Variants in ANKIB1 observed in about 807,000 individuals in gnomAD.
ANKIB1 encodes the protein ankyrin repeat and IBR domain-containing protein 1.
ANKIB1 carries 43 observed loss-of-function variants against 122.1 expected under a neutral mutation model. The observed-to-expected ratio is 0.35, with a 90% CI of 0.28 to 0.45. The LOEUF is 0.45. Ranked by LOEUF, ANKIB1 falls within the 20% of genes least tolerant of loss-of-function variation. The pLI, the probability that ANKIB1 is intolerant of heterozygous loss-of-function variation, is 1.00. For synonymous variants in ANKIB1, 390 were observed against 442.0 expected, an observed-to-expected ratio of 0.88 and a Z score of 1.48; for missense variants, 992 against 1,329.5, an observed-to-expected ratio of 0.75 and a Z score of 3.95.
intron 2 of ANKIB1, among the ~76,000 whole-genome samples, chr7:92,305,669 C>T (rs905144650): frequency 6.6e-6 from 1 of 152,112 alleles, no homozygotes; most frequent in African/African-American, 2.4e-5. Context: ...GAATCAGTTC[C>T]TGGGAAACCA....
chr7:92,260,850 G>A (rs1801547444), intron 1 of ANKIB1, among the ~76,000 whole-genome samples: 2 of 152,132 alleles, frequency 1.3e-5, no homozygotes, highest in African/African-American at 2.4e-5. Context: ...ATAATGCCTA[G>A]CACATGATAG....
chr7:92,380,018 G>C (rs370816407), intron 11 of ANKIB1, among the ~76,000 whole-genome samples: 3 of 152,158 alleles, frequency 2.0e-5, no homozygotes, highest in African/African-American at 7.2e-5. Context: ...AGGCTGTACC[G>C]GGAAAATCGG....
In ANKIB1 at chr7:92,339,982, A is replaced by C. The variant is rs1219917032; in HGVS notation, c.788-3042A>C. 2.0e-5 allele frequency among the ~76,000 whole-genome samples: 3 copies of C among 149,352 alleles called. No individual in the cohort carries two copies. The East Asian group carries it at 6.0e-4, about 30-fold the overall frequency. On this transcript the variant is annotated intron_variant, in intron 5 of 19. Coordinates refer to ENST00000265742, the MANE Select transcript of ANKIB1 (RefSeq NM_019004.2). The stretch of plus-strand genomic sequence containing the variant: ...TGTATTATCTTAATCAGAAAATTCT[A>C]GTTTTTTTGGTAAGTGTTTTCTTTA...
chr7:92,278,065 C>T (rs1004036277), intron 1 of ANKIB1, among the ~76,000 whole-genome samples: 6 of 145,344 alleles, frequency 4.1e-5, no homozygotes, highest in African/African-American at 1.3e-4. Flanking sequence ...GCCTGGGCAA[C>T]AAAAGTGAAA....
At chr7:92,253,775 C>T (rs1428731367) in intron 1 of ANKIB1, among the ~76,000 whole-genome samples, 2 of 151,924 alleles carry the variant, frequency 1.3e-5, no homozygotes, top group Non-Finnish European at 2.9e-5. Flanking sequence ...CACACACATA[C>T]ACACACCTGT....
chr7:92,385,661 CAT>C (rs1227775565), intron 11 of ANKIB1, among the ~76,000 whole-genome samples: 3 of 152,134 alleles, frequency 2.0e-5, no homozygotes, highest in Non-Finnish European at 2.9e-5. Flanking sequence ...TGTTTTCACT[CAT>C]AGGTGGGAAT....
intron 3 of ANKIB1, among the ~76,000 whole-genome samples, chr7:92,310,728 G>A (rs556843631): frequency 6.6e-5 from 10 of 152,086 alleles, no homozygotes; most frequent in Non-Finnish European, 1.0e-4. Context: ...TCTAGATTGC[G>A]TATAATACCT....
intron 19 of ANKIB1, 53 bp from the exon 20 acceptor site, chr7:92,398,159 A>T: frequency 6.6e-7 from 1 of 1,515,616 alleles, no homozygotes; most frequent in Non-Finnish European, 8.8e-7. Flanking sequence ...GATTGAGTTA[A>T]ATCAGTTTTT....
At chr7:92,275,526 C>T (rs1310675624) in intron 1 of ANKIB1, among the ~76,000 whole-genome samples, 1 of 152,076 alleles carries the variant, frequency 6.6e-6, no homozygotes, top group African/African-American at 2.4e-5. Flanking sequence ...GGATGATTAA[C>T]ATTGCGAAAT....
intron 6 of ANKIB1, among the ~76,000 whole-genome samples, chr7:92,344,062 A>G (rs1015076529): frequency 5.3e-5 from 8 of 152,156 alleles, no homozygotes; most frequent in Non-Finnish European, 8.8e-5. Flanking sequence ...ATGTAACGTG[A>G]TAAATTTTGC....
intron 9 of ANKIB1, among the ~76,000 whole-genome samples, chr7:92,354,203 C>T (rs1803731691): frequency 6.6e-6 from 1 of 152,278 alleles, no homozygotes; most frequent in Middle Eastern, 3.4e-3. Context: ...CAATATAGGT[C>T]AGACTCTATA....
intron 1 of ANKIB1, among the ~76,000 whole-genome samples, chr7:92,284,827 A>G (rs914644437): frequency 2.0e-5 from 3 of 152,256 alleles, no homozygotes; most frequent in African/African-American, 4.8e-5. Flanking sequence ...AGTAGTGAAT[A>G]GCATTGATTT....
intron 1 of ANKIB1, among the ~76,000 whole-genome samples, chr7:92,256,559 A>G (rs13236026): frequency 0.32 from 48,619 of 152,028 alleles, 8,035 homozygotes; most frequent in Non-Finnish European, 0.35. Flanking sequence ...AGAACTAGGT[A>G]ACAACAATAT....
At chr7:92,392,147 G>A (rs1185066545) in intron 16 of ANKIB1, 94 bp from the exon 17 acceptor site, 5 of 961,752 alleles carry the variant, frequency 5.2e-6, no homozygotes, top group Non-Finnish European at 7.6e-6. Flanking sequence ...TTCCAACAGA[G>A]GAATTCAAAG....
chr7:92,300,872 T>G (rs1802444192), intron 2 of ANKIB1, among the ~76,000 whole-genome samples: 1 of 152,112 alleles, frequency 6.6e-6, no homozygotes, highest in African/African-American at 2.4e-5. Context: ...CCCCTGACCC[T>G]GGTTAACCAC....
In ANKIB1 at chr7:92,395,418, A is replaced by G. The variant is rs114925809; in HGVS notation, c.2284-947A>G. On this transcript the variant is annotated intron_variant, in intron 17 of 19. Coordinates refer to ENST00000265742, the MANE Select transcript of ANKIB1 (RefSeq NM_019004.2). ...TTTAATCTAGTCATTTGATTTGTGA[A>G]TATGATATGTAGTAGTCCCAAAGAA... Among the ~76,000 whole-genome samples the G allele has an allele frequency of 9.6e-3, 1,467 of 152,300 alleles. 31 individuals carry two copies. The highest frequency in any genetic ancestry group is 0.034 in the African/African-American group (1,399 of 41,558).
At chr7:92,358,811 T>C (rs797012615) in intron 9 of ANKIB1, among the ~76,000 whole-genome samples, 28 of 152,316 alleles carry the variant, frequency 1.8e-4, no homozygotes, top group African/African-American at 6.3e-4. Flanking sequence ...TTTGTACTTC[T>C]GGGCTTTTTT....
chr7:92,386,627 A>G lies in ANKIB1; in HGVS notation c.1736A>G (p.Lys579Arg). 1 of 1,603,580 alleles carries G rather than the reference A, an allele frequency of 6.2e-7. No individual in the cohort carries two copies. The highest frequency in any genetic ancestry group is 1.1e-5 in the South Asian group (1 of 88,552). ...ATTCAACACGTGGAGGAGCAATCCA[A>G]GGAAATGACTGTGGAGGTAAAGAGA... is the stretch of plus-strand genomic sequence containing the variant. ...EVIQHVEEQS[K>R]EMTVEAEKKH... Residue 579 changes from lysine (K) to arginine (R), a missense_variant, in exon 12 of 20, where the codon AAG becomes AGG. Transcript: ENST00000265742.
intron 7 of ANKIB1, among the ~76,000 whole-genome samples, chr7:92,350,005 TAA>T (rs147124525): frequency 8.4e-5 from 11 of 130,322 alleles, no homozygotes; most frequent in Non-Finnish European, 1.0e-4. Context: ...GACCCCATCT[TAA>T]AAAAAAAAAA....
Sources: allele counts gnomAD v4.1 joint callset (sites outside exome capture counted in the v4.1 genomes callset), GRCh38; gene constraint gnomAD v4.1.1; transcripts MANE v1.5; gene names NCBI Gene and HGNC (gene_info 2026-07-23, HGNC 2026-07-21).